The following RTN4RL1 variants were observed in gnomAD, a reference collection of about 807,000 sequenced individuals.
RTN4RL1 encodes the protein reticulon-4 receptor-like 1.
Under a neutral mutation model 25.6 loss-of-function variants are expected in RTN4RL1, and 7 were observed. That is an observed-to-expected ratio of 0.27 (90% CI 0.16 to 0.51). The LOEUF is 0.51. Ranked by LOEUF, RTN4RL1 falls within the 20% of genes least tolerant of loss-of-function variation. The pLI is 0.97. For synonymous variants in RTN4RL1, 297 were observed against 288.2 expected, an observed-to-expected ratio of 1.03 and a Z score of -0.31; for missense variants, 500 against 615.6, an observed-to-expected ratio of 0.81 and a Z score of 1.99.
chr17:1,963,445 C>T (rs868448780), intron 1 of RTN4RL1, among the ~76,000 whole-genome samples: 1 of 152,238 alleles, frequency 6.6e-6, no homozygotes, highest in Non-Finnish European at 1.5e-5. Flanking sequence ...GCAGCTCCCC[C>T]ACCTTCTCTC....
At chr17:2,009,591 CAAAA>C (rs528797675) in intron 1 of RTN4RL1, among the ~76,000 whole-genome samples, 1 of 65,544 alleles carries the variant, frequency 1.5e-5, no homozygotes, top group African/African-American at 5.9e-5. Context: ...GACTCCGTCT[CAAAA>C]AAAAAAAAAA....
intron 1 of RTN4RL1, among the ~76,000 whole-genome samples, chr17:2,018,659 C>T (rs1050044255): frequency 5.9e-5 from 9 of 152,072 alleles, no homozygotes; most frequent in African/African-American, 2.2e-4. Flanking sequence ...ACAGACAGAG[C>T]GGGGGCTGCA....
At chr17:2,008,192 C>A (rs1419877017) in intron 1 of RTN4RL1, among the ~76,000 whole-genome samples, 1 of 151,518 alleles carries the variant, frequency 6.6e-6, no homozygotes, top group Non-Finnish European at 1.5e-5. Flanking sequence ...TCACTTGAAC[C>A]CGGGAGGCAG....
chr17:2,021,620 T>A (rs974540864), intron 1 of RTN4RL1, among the ~76,000 whole-genome samples: 6 of 145,086 alleles, frequency 4.1e-5, no homozygotes, highest in South Asian at 2.2e-4. Context: ...AGTGGTGCGA[T>A]CTTGGCTCAC....
chr17:1,951,806 C>A (rs1048368228), intron 1 of RTN4RL1, among the ~76,000 whole-genome samples: 1 of 152,152 alleles, frequency 6.6e-6, no homozygotes, highest in African/African-American at 2.4e-5. Context: ...TGAGGACTGC[C>A]GAAGACTAAC....
intron 1 of RTN4RL1, among the ~76,000 whole-genome samples, chr17:1,965,102 T>TTTTC (rs757689483): frequency 1.4e-5 from 2 of 141,480 alleles, no homozygotes; most frequent in African/African-American, 5.1e-5. Context: ...TTTGCTTTTC[T>TTTTC]TTTCTTTCTT....
In RTN4RL1 at chr17:1,936,788, G is replaced by C; in HGVS notation, c.1034C>G (p.Pro345Arg). Residue 345 changes from proline to arginine, a missense_variant, in exon 2 of 2, where the codon CCC becomes CGC. By Grantham distance (103) the Pro-to-Arg change is moderately radical. Around this residue, in one of 2 missense-constraint regions of RTN4RL1, gnomAD observed 268 missense variants for 274.5 expected, o/e 0.98. Coordinates refer to ENST00000331238, the MANE Select transcript of RTN4RL1 (RefSeq NM_178568.4). ...PTRSKGHPHG[P>R]RPGHRKPGKN... ...CCCCGGCTTCCTGTGGCCGGGCCGG[G>C]GGCCGTGCGGGTGGCCCTTGCTCCT... 2 of 1,588,254 alleles carry C rather than the reference G, an allele frequency of 1.3e-6. No homozygotes were observed. The highest frequency in any genetic ancestry group is 1.7e-6 in the Non-Finnish European group (2 of 1,168,892).
chr17:1,952,260 C>A (rs1242358896), intron 1 of RTN4RL1, among the ~76,000 whole-genome samples: 2 of 151,574 alleles, frequency 1.3e-5, no homozygotes, highest in Admixed American at 6.6e-5. Flanking sequence ...GACCACGCTG[C>A]ATGACGTTTT....
At chr17:2,002,454 G>T (rs530575907) in intron 1 of RTN4RL1, among the ~76,000 whole-genome samples, 3 of 150,268 alleles carry the variant, frequency 2.0e-5, no homozygotes, top group Non-Finnish European at 4.4e-5. Flanking sequence ...CACCTCGCCT[G>T]GCTAATTTTT....
At chr17:2,024,546 G>A (rs976682153) in intron 1 of RTN4RL1, among the ~76,000 whole-genome samples, 6 of 152,166 alleles carry the variant, frequency 3.9e-5, no homozygotes, top group Non-Finnish European at 8.8e-5. Flanking sequence ...TCCCAGCAAA[G>A]CAAAGGTCCC....
intron 1 of RTN4RL1, among the ~76,000 whole-genome samples, chr17:1,973,421 C>G (rs542691323): frequency 4.0e-5 from 6 of 150,380 alleles, no homozygotes; most frequent in Non-Finnish European, 7.4e-5. Context: ...AATCCCAGCA[C>G]TTTGGGAAGC....
At chr17:1,948,945 A>G (rs1400544306) in intron 1 of RTN4RL1, among the ~76,000 whole-genome samples, 2 of 151,464 alleles carry the variant, frequency 1.3e-5, no homozygotes, top group African/African-American at 4.9e-5. Context: ...GGCACCTGCC[A>G]CCACGCCTGG....
At chr17:1,947,338 C>A (rs1426247307) in intron 1 of RTN4RL1, among the ~76,000 whole-genome samples, 1 of 152,224 alleles carries the variant, frequency 6.6e-6, no homozygotes, top group African/African-American at 2.4e-5. Context: ...GAAACACATG[C>A]CTGTCTCGGG....
intron 1 of RTN4RL1, chr17:2,023,725 C>G (rs931889939): frequency 1.4e-5 from 2 of 147,768 alleles, no homozygotes; most frequent in African/African-American, 4.9e-5. Context: ...TTCTCCTTCC[C>G]CATCCTGCTG....
chr17:2,012,556 G>A (rs2067063137), intron 1 of RTN4RL1, among the ~76,000 whole-genome samples: 1 of 151,694 alleles, frequency 6.6e-6, no homozygotes, highest in African/African-American at 2.4e-5. Flanking sequence ...TCCTGGTACT[G>A]TTTCTATTTT....
intron 1 of RTN4RL1, among the ~76,000 whole-genome samples, chr17:1,950,339 C>A (rs1015173289): frequency 6.6e-6 from 1 of 152,156 alleles, no homozygotes; most frequent in Admixed American, 6.5e-5. Context: ...CTTCCCAAGT[C>A]TATTCCAGAA....
chr17:1,969,612 A>G (rs558080968), intron 1 of RTN4RL1, among the ~76,000 whole-genome samples: 8 of 152,270 alleles, frequency 5.3e-5, no homozygotes, highest in African/African-American at 1.2e-4. Context: ...ATTTTCCTCT[A>G]TAAAACTTGC....
At chr17:2,005,885 C>T (rs1324439352) in intron 1 of RTN4RL1, among the ~76,000 whole-genome samples, 1 of 151,424 alleles carries the variant, frequency 6.6e-6, no homozygotes, top group African/African-American at 2.4e-5. Context: ...CAACCTCCGC[C>T]ACCCGGGTTC....
intron 1 of RTN4RL1, among the ~76,000 whole-genome samples, chr17:1,956,360 T>C (rs997904634): frequency 6.6e-6 from 1 of 150,778 alleles, no homozygotes; most frequent in Non-Finnish European, 1.5e-5. Context: ...GTGTGAAGCC[T>C]TGGACAGCCT....
Sources: allele counts gnomAD v4.1 joint callset (sites outside exome capture counted in the v4.1 genomes callset), GRCh38; gene constraint gnomAD v4.1.1; regional missense constraint gnomAD v4.1.1; transcripts MANE v1.5; gene names NCBI Gene and HGNC (gene_info 2026-07-23, HGNC 2026-07-21).